Variants in STK32A observed in about 807,000 individuals in gnomAD.
STK32A encodes serine/threonine kinase 32A, also known as serine/threonine-protein kinase 32A.
STK32A carries 41 observed loss-of-function variants against 53.2 expected under a neutral mutation model. That is an observed-to-expected ratio of 0.77 (90% CI 0.60 to 1.00). The LOEUF is 1.00. Ranked by LOEUF, STK32A falls within the 50% of genes least tolerant of loss-of-function variation. The pLI is 0.00. For synonymous variants in STK32A, 166 were observed against 162.8 expected (o/e 1.02, Z -0.15); for missense variants, 458 against 485.8 (o/e 0.94, Z 0.54).
intron 4 of STK32A, among the ~76,000 whole-genome samples, chr5:147,308,273 G>C (rs1454762608): frequency 6.6e-6 from 1 of 151,752 alleles, no homozygotes; most frequent in Non-Finnish European, 1.5e-5. Flanking sequence ...TAGCGTATTT[G>C]TCTTTAGACT....
At chr5:147,317,841 C>T (rs1754083622) in intron 4 of STK32A, among the ~76,000 whole-genome samples, 1 of 152,126 alleles carries the variant, frequency 6.6e-6, no homozygotes, top group South Asian at 2.1e-4. Flanking sequence ...TTGAGGATCT[C>T]AGGACAACTA....
chr5:147,288,960 G>A (rs1581044466), intron 4 of STK32A, among the ~76,000 whole-genome samples: 1 of 152,300 alleles, frequency 6.6e-6, no homozygotes, highest in East Asian at 1.9e-4. Flanking sequence ...AGTAACAGGT[G>A]TCTTACAAAT....
chr5:147,339,813 T>C (rs1190486845), intron 5 of STK32A, among the ~76,000 whole-genome samples: 1 of 152,232 alleles, frequency 6.6e-6, no homozygotes, highest in Non-Finnish European at 1.5e-5. Flanking sequence ...TTTGGCCAAT[T>C]CCTCTTATTT....
chr5:147,373,858 G>A (rs1757113942), intron 10 of STK32A, among the ~76,000 whole-genome samples: 1 of 152,186 alleles, frequency 6.6e-6, no homozygotes, highest in Non-Finnish European at 1.5e-5. Context: ...ATGCTGGTAA[G>A]AGCCAGAGTC....
In STK32A at chr5:147,332,624, C is replaced by T. The variant is rs183502283; in HGVS notation, c.434+8553C>T. The stretch of plus-strand genomic sequence containing the variant: ...TGGAGTGCTTAAGAAAATGCCCTTT[C>T]TTTTTGTTTTGGTAAATCTTCTTTT... On this transcript the variant is annotated intron_variant, in intron 5 of 12. Transcript: ENST00000397936. Among the ~76,000 whole-genome samples the T allele has an allele frequency of 3.4e-3, 512 of 152,130 alleles. 4 individuals are homozygous for T. The highest frequency in any genetic ancestry group is 0.012 in the African/African-American group (492 of 41,460).
At chr5:147,263,208 C>T (rs1161097221) in intron 2 of STK32A, among the ~76,000 whole-genome samples, 23 of 152,150 alleles carry the variant, frequency 1.5e-4, no homozygotes, top group Admixed American at 1.5e-3. Flanking sequence ...AAGAGAACGA[C>T]AGAATATTTT....
rs76424680 is a variant in STK32A at position 147,373,404 on chromosome 5, C to T, written c.903+110C>T. On this transcript the variant is annotated intron_variant, in intron 10 of 12. Transcript: ENST00000397936. ...AATCACACCAGTGTTGTTAAGAGAGCCCCAATTCCCATTTTACAGATGAGA... is the reference window on the plus strand; with the variant it reads ...AATCACACCAGTGTTGTTAAGAGAGTCCCAATTCCCATTTTACAGATGAGA... 0.011 allele frequency: 15,785 copies of T among 1,404,192 alleles called. 985 individuals are homozygous for T. The East Asian group carries it at 0.19, about 17-fold the overall frequency. 87.0% of individuals were successfully genotyped at this position (1,404,192 alleles called of 1,614,324 possible). A position where few individuals can be genotyped will look rare whatever the true frequency, so the allele number is the denominator to read the frequency against.
intron 4 of STK32A, among the ~76,000 whole-genome samples, chr5:147,303,158 T>C (rs1325639179): frequency 6.6e-6 from 1 of 152,196 alleles, no homozygotes; most frequent in African/African-American, 2.4e-5. Context: ...AAGGGCTGTA[T>C]AGACGTGCTT....
At chr5:147,364,671 G>A (rs1338375207) in intron 8 of STK32A, among the ~76,000 whole-genome samples, 1 of 152,162 alleles carries the variant, frequency 6.6e-6, no homozygotes, top group African/African-American at 2.4e-5. Flanking sequence ...TTCCTGACTT[G>A]CAGACAGCTT....
chr5:147,247,020 C>T (rs1053319125), intron 2 of STK32A, among the ~76,000 whole-genome samples: 1 of 152,158 alleles, frequency 6.6e-6, no homozygotes, highest in African/African-American at 2.4e-5. Flanking sequence ...CTCATGCTAC[C>T]GTAACTTTTT....
intron 4 of STK32A, among the ~76,000 whole-genome samples, chr5:147,314,011 C>A (rs148287664): frequency 1.3e-5 from 2 of 151,738 alleles, no homozygotes; most frequent in East Asian, 3.9e-4. Flanking sequence ...CTTGTAATCA[C>A]TAATTGTTCC....
intron 2 of STK32A, among the ~76,000 whole-genome samples, 176 bp from the exon 3 acceptor site, chr5:147,277,948 A>T (rs1309479270): frequency 6.6e-6 from 1 of 152,192 alleles, no homozygotes; most frequent in African/African-American, 2.4e-5. Context: ...AAGCACTAGG[A>T]TTAATACATA....
Position 147,307,730 on chromosome 5 carries a change from A to G in STK32A, c.261-16168A>G, listed in dbSNP as rs182494666. On this transcript the variant is annotated intron_variant, in intron 4 of 12. Transcript: ENST00000397936. ...TTTTAGCTTTCACATTTAGATCTAC[A>G]GTCTAGGATCAAGTTTTATTTTGTC... 6.6e-5 allele frequency among the ~76,000 whole-genome samples: 10 copies of G among 151,864 alleles called. No individual in the cohort carries two copies. In the East Asian group the frequency reaches 1.7e-3, roughly 27 times the overall value.
chr5:147,365,900 T>C (rs1756722400), intron 8 of STK32A, among the ~76,000 whole-genome samples: 2 of 152,216 alleles, frequency 1.3e-5, no homozygotes, highest in Non-Finnish European at 2.9e-5. Context: ...TTGTTTCTCT[T>C]CTTCCCATAT....
intron 7 of STK32A, among the ~76,000 whole-genome samples, chr5:147,357,423 AG>A (rs1283193232): frequency 4.6e-5 from 7 of 152,082 alleles, no homozygotes; most frequent in Admixed American, 6.5e-5. Flanking sequence ...TTTTCTATTA[AG>A]GTGTTAATAC....
chr5:147,337,780 A>C (rs1274809797), intron 5 of STK32A, among the ~76,000 whole-genome samples: 1 of 152,150 alleles, frequency 6.6e-6, no homozygotes, highest in African/African-American at 2.4e-5. Flanking sequence ...GCAGGAATTG[A>C]GGATATGAGT....
At chr5:147,313,697 T>G (rs527329320) in intron 4 of STK32A, among the ~76,000 whole-genome samples, 2 of 152,196 alleles carry the variant, frequency 1.3e-5, no homozygotes, top group Non-Finnish European at 2.9e-5. Context: ...GAAGCTACAA[T>G]AATCAAGATA....
chr5:147,397,220 A>G, the STK32A span, among the ~76,000 whole-genome samples: 6 of 115,950 alleles, frequency 5.2e-5, no homozygotes, highest in African/African-American at 2.2e-4. Context: ...GTTTATATAT[A>G]AAATCAGAGA....
At chr5:147,342,925 T>C in intron 5 of STK32A, 81 bp from the exon 6 acceptor site, 2 of 1,330,582 alleles carry the variant, frequency 1.5e-6, no homozygotes, top group Non-Finnish European at 2.1e-6. Context: ...CCAGTTAGCT[T>C]TCTTAAGCCT....
Sources: allele counts gnomAD v4.1 joint callset (sites outside exome capture counted in the v4.1 genomes callset), GRCh38; gene constraint gnomAD v4.1.1; transcripts MANE v1.5; gene names NCBI Gene and HGNC (gene_info 2026-07-23, HGNC 2026-07-21).